CPAMD8: variants seen among roughly 807,000 people sequenced by gnomAD.
The protein encoded by CPAMD8 is C3 and PZP like alpha-2-macroglobulin domain containing 8.
A neutral mutation model predicts 224.7 loss-of-function variants in CPAMD8; 146 were observed. The observed-to-expected ratio is 0.65, with a 90% confidence interval of 0.57 to 0.75. CPAMD8 has a LOEUF of 0.75. Ranked by LOEUF, CPAMD8 falls within the 30% of genes least tolerant of loss-of-function variation. CPAMD8 has a pLI of 0.00. For missense variants in CPAMD8, 2,301 were observed against 2,537.5 expected (o/e 0.91, Z 2.00); for synonymous variants, 966 against 1,044.6 (o/e 0.92, Z 1.45).
chr19:16,951,482 A>T (rs2054294461), intron 20 of CPAMD8, among the ~76,000 whole-genome samples: 1 of 152,164 alleles, frequency 6.6e-6, no homozygotes. Flanking sequence ...CAGGTAAGAG[A>T]TCATCTAGGT....
Position 17,002,316 on chromosome 19 carries a change from G to A in CPAMD8, c.708C>T (p.Pro236=), listed in dbSNP as rs767670758. 5.0e-6 allele frequency: 8 copies of A among 1,606,638 alleles called. No individual in the cohort carries two copies. Among genetic ancestry groups the A allele is most frequent in the Admixed American group, 3.4e-5 (2 of 59,272 alleles). ...AGGCGTCCAGGTCTTGGATATACCG[G>A]GGCGGGTCAATCAGAAGCTCAAACT... is the stretch of plus-strand genomic sequence containing the variant. ...LPKFELLIDP[P]RYIQDLDACE... Residue 236 remains proline, a synonymous_variant, in exon 9 of 42, where the codon CCC becomes CCT. Transcript: ENST00000443236.
At chr19:16,957,734 C>T in intron 19 of CPAMD8, 119 bp downstream of exon 19, 2 of 874,392 alleles carry the variant, frequency 2.3e-6, no homozygotes, top group Non-Finnish European at 3.7e-6. Flanking sequence ...AAAAGATGCA[C>T]AGTGTCTTGC....
chr19:16,958,257 CT>C (rs2054537697), intron 18 of CPAMD8, among the ~76,000 whole-genome samples: 1 of 152,170 alleles, frequency 6.6e-6, no homozygotes, highest in Non-Finnish European at 1.5e-5. Context: ...GTTATTATTT[CT>C]GATCCTCTCT....
chr19:16,947,273 C>T, intron 20 of CPAMD8, 46 bp from the exon 21 acceptor site: 1 of 1,575,536 alleles, frequency 6.3e-7, no homozygotes, highest in South Asian at 1.2e-5. Flanking sequence ...TCCAGACCCC[C>T]TCCCAGTGCC....
At chr19:16,925,394 T>C in intron 25 of CPAMD8, 22 bp from the exon 26 acceptor site, 1 of 1,598,714 alleles carries the variant, frequency 6.3e-7, no homozygotes, top group Non-Finnish European at 8.6e-7. Flanking sequence ...GAGAAGAGAG[T>C]TGAGTTGGGG....
chr19:16,938,550 C>G, intron 22 of CPAMD8, 104 bp from the exon 23 acceptor site: 1 of 650,800 alleles, frequency 1.5e-6, no homozygotes. Flanking sequence ...AAGTCCAGAC[C>G]ACATAATTGT....
intron 1 of CPAMD8, among the ~76,000 whole-genome samples, chr19:17,022,900 C>T (rs1167301753): frequency 2.0e-5 from 3 of 151,998 alleles, no homozygotes; most frequent in Admixed American, 6.6e-5. Flanking sequence ...TCACGGTGCA[C>T]CCCGTCCCCC....
chr19:16,957,716 G>A, intron 19 of CPAMD8, 137 bp downstream of exon 19: 1 of 784,270 alleles, frequency 1.3e-6, no homozygotes, highest in Non-Finnish European at 2.1e-6. Context: ...GAAGTTTTGT[G>A]TGTTAGAAAA....
In CPAMD8 at chr19:16,976,044, A is replaced by G. The variant is rs766340609; in HGVS notation, c.1866T>C (p.Ser622=). 5.6e-6 allele frequency: 9 copies of G among 1,608,940 alleles called. No individual in the cohort carries two copies. In the Admixed American group the frequency reaches 8.4e-5, roughly 15 times the overall value. The part of the protein sequence containing the change: ...SCVCVAAVDK[S]VYLLRSGFRL... ...GGAACCCAGACCTGAGCAGGTAGAC[A>G]CTCTTATCAACTGCGGCGACGCACA... The change falls in exon 16 of 42, where the codon AGT becomes AGC. Residue 622 remains serine, a synonymous_variant. Coordinates refer to ENST00000443236, the MANE Select transcript of CPAMD8 (RefSeq NM_015692.5).
At chr19:16,950,060 G>A (rs2054249030) in intron 20 of CPAMD8, among the ~76,000 whole-genome samples, 1 of 152,144 alleles carries the variant, frequency 6.6e-6, no homozygotes, top group African/African-American at 2.4e-5. Context: ...CATTTTGGGA[G>A]GCCACGGCAG....
intron 29 of CPAMD8, among the ~76,000 whole-genome samples, chr19:16,911,947 G>A (rs970105826): frequency 4.6e-5 from 7 of 152,136 alleles, no homozygotes; most frequent in Non-Finnish European, 8.8e-5. Flanking sequence ...CCAAAGTGCT[G>A]AGATTACAGG....
At chr19:17,022,318 G>T in intron 1 of CPAMD8, 137 bp from the exon 2 acceptor site, 3 of 916,836 alleles carry the variant, frequency 3.3e-6, no homozygotes, top group Non-Finnish European at 4.9e-6. Context: ...GATGCTCTAG[G>T]AGTCTGTGCC....
chr19:16,898,144 C>CTTTTT lies in CPAMD8; in HGVS notation c.4849-155_4849-151dup. 1.9e-6 allele frequency: 1 copy of CTTTTT among 526,032 alleles called. No homozygotes were observed. Among genetic ancestry groups the CTTTTT allele is most frequent in the South Asian group, 2.3e-5 (1 of 43,132 alleles). The allele number at this position is 526,032 out of a possible 1,614,324, so 32.6% of individuals were successfully genotyped here. The stretch of plus-strand genomic sequence containing the variant: ...CATTTTCTTTTTTTCTTTTACTTTT[C>CTTTTT]TTTTTTTTTTTTTTTCCTGAGACAG... On this transcript the variant is annotated intron_variant, in intron 37 of 41. Coordinates refer to ENST00000443236, the MANE Select transcript of CPAMD8 (RefSeq NM_015692.5). This position sits in a 1 kb window ranked among gnomAD's most constrained non-coding sequence, Gnocchi z 4.2.
intron 27 of CPAMD8, among the ~76,000 whole-genome samples, chr19:16,920,994 C>T (rs2053153395): frequency 6.6e-6 from 1 of 151,812 alleles, no homozygotes; most frequent in Admixed American, 6.6e-5. Flanking sequence ...CTGGGGTGGG[C>T]GGGGCCTCTG....
chr19:16,947,901 G>A (rs970092589), intron 20 of CPAMD8, among the ~76,000 whole-genome samples: 16 of 152,156 alleles, frequency 1.1e-4, no homozygotes, highest in African/African-American at 3.9e-4. Context: ...AGGTGCTATG[G>A]ATGCACCCAT....
chr19:17,020,476 C>A, intron 2 of CPAMD8, 123 bp from the exon 3 acceptor site: 1 of 716,322 alleles, frequency 1.4e-6, no homozygotes, highest in Non-Finnish European at 2.5e-6. Context: ...GACAAACACA[C>A]CCTGGGTCAT....
At chr19:17,020,635 C>T (rs2056929739) in intron 2 of CPAMD8, among the ~76,000 whole-genome samples, 1 of 152,158 alleles carries the variant, frequency 6.6e-6, no homozygotes, top group Non-Finnish European at 1.5e-5. Context: ...TCACCCCTGG[C>T]TCCTGTCCAA....
chr19:16,961,366 C>T (rs1487283175), intron 18 of CPAMD8, among the ~76,000 whole-genome samples: 3 of 152,374 alleles, frequency 2.0e-5, no homozygotes, highest in African/African-American at 7.2e-5. Flanking sequence ...GATTCTCTCC[C>T]ATGCCTGGCT....
At chr19:16,959,525 G>A (rs1378160377) in intron 18 of CPAMD8, among the ~76,000 whole-genome samples, 1 of 151,114 alleles carries the variant, frequency 6.6e-6, no homozygotes, top group East Asian at 1.9e-4. Flanking sequence ...TCATATGCTT[G>A]TTGGCTGCAC....
Sources: gnomAD v4.1 joint callset for allele counts (sites outside exome capture counted in the v4.1 genomes callset) on GRCh38, gnomAD v4.1.1 for gene constraint, Gnocchi (gnomAD v3.1) non-coding constraint, MANE v1.5 for transcripts, NCBI Gene and HGNC (gene_info 2026-07-23, HGNC 2026-07-21) for gene names.